Variants in MGAT5B observed in about 807,000 individuals in gnomAD.
MGAT5B encodes N-acetylglucosaminyl-transferase Vb.
MGAT5B carries 54 observed loss-of-function variants against 95.1 expected under a neutral mutation model. The observed-to-expected ratio is 0.57, with a 90% CI of 0.46 to 0.71. MGAT5B has a LOEUF of 0.71. MGAT5B is among the 30% of genes least tolerant of loss of function. The pLI, the probability that MGAT5B is intolerant of heterozygous loss-of-function variation, is 0.00. For synonymous variants in MGAT5B, 464 were observed against 451.0 expected (o/e 1.03, Z -0.36); for missense variants, 935 against 1,088.6 (o/e 0.86, Z 1.99).
At position 76,905,090 on chromosome 17, in the gene MGAT5B, A is replaced by G; in HGVS notation, c.691-79A>G. ...GGCCCCAGCCTCATGGGAGGGTGCC[A>G]GCCCCTGTCCCCAGGCCAGCGGGGA... On this transcript the variant is annotated intron_variant, in intron 6 of 17. Transcript: ENST00000569840. The surrounding 1 kb of genome is among the most constrained non-coding windows in gnomAD (Gnocchi z 4.2). The G allele has an allele frequency of 6.9e-7, 1 of 1,454,358 alleles. No homozygotes were observed. The highest frequency in any genetic ancestry group is 2.2e-5 in the Admixed American group (1 of 44,650). The allele number at this position is 1,454,358 out of a possible 1,614,324, so 90.1% of individuals were successfully genotyped here. A position where few individuals can be genotyped will look rare whatever the true frequency, so the allele number is the denominator to read the frequency against.
intron 5 of MGAT5B, 71 bp downstream of exon 5, chr17:76,903,447 C>A: frequency 7.5e-7 from 1 of 1,339,622 alleles, no homozygotes; most frequent in South Asian, 1.4e-5. Flanking sequence ...GCCCCTCACC[C>A]AGGCACAAGC....
chr17:76,934,221 G>A (rs774697306), intron 12 of MGAT5B, among the ~76,000 whole-genome samples: 2 of 152,172 alleles, frequency 1.3e-5, no homozygotes, highest in African/African-American at 2.4e-5. Context: ...AAGGGCTCAC[G>A]TGCATCTCTT....
Position 76,870,587 on chromosome 17 carries a change from C to T in MGAT5B, c.68+1490C>T, listed in dbSNP as rs1598879390. Among the ~76,000 whole-genome samples, 1 of 152,278 alleles carries T rather than the reference C, an allele frequency of 6.6e-6. No individual in the cohort carries two copies. The highest frequency in any genetic ancestry group is 1.9e-4 in the East Asian group (1 of 5,158). On this transcript the variant is annotated intron_variant, in intron 1 of 17. Transcript: ENST00000569840. The surrounding 1 kb of genome is among the most constrained non-coding windows in gnomAD (Gnocchi z 5.0). The stretch of plus-strand genomic sequence containing the variant: ...GGACAGTGCTCGCGACCCAGGGCTG[C>T]TTCCCTGTCTGGTCCTGCCCTGGTT...
In MGAT5B at chr17:76,902,603, G is replaced by T; in HGVS notation, c.378G>T (p.Gln126His). The T allele has an allele frequency of 6.2e-7, 1 of 1,603,962 alleles. No homozygotes were observed. The highest frequency in any genetic ancestry group is 8.5e-7 in the Non-Finnish European group (1 of 1,175,036). Reference protein sequence around the residue: ...GLMERIQAIAQNVSDIAVKVD... With the variant: ...GLMERIQAIAHNVSDIAVKVD... ...TGGAGCGGATCCAGGCTATTGCCCA[G>T]AACGTCTCCGACATCGCTGTGAAGG... The change falls in exon 4 of 18, where the codon CAG becomes CAT. Residue 126 changes from glutamine (Q) to histidine (H), a missense_variant. Around this residue, in one of 4 missense-constraint regions of MGAT5B, gnomAD observed 243 missense variants for 228.2 expected, o/e 1.06. Transcript: ENST00000569840.
intron 3 of MGAT5B, among the ~76,000 whole-genome samples, chr17:76,895,893 GT>G (rs542661686): frequency 2.6e-5 from 4 of 152,236 alleles, no homozygotes; most frequent in East Asian, 1.9e-4. Flanking sequence ...TCTACAAGGG[GT>G]TTTTTTGTCC....
In MGAT5B at chr17:76,949,262, C is replaced by T. The variant is rs753418870; in HGVS notation, c.*424C>T. 1.1e-4 allele frequency: 21 copies of T among 194,700 alleles called. No homozygotes were observed. The highest frequency in any genetic ancestry group is 2.3e-3 in the Middle Eastern group (1 of 436). 12.1% of individuals were successfully genotyped at this position (194,700 alleles called of 1,614,324 possible). A position where few individuals can be genotyped will look rare whatever the true frequency, so the allele number is the denominator to read the frequency against. ...GAGGAACAGGGACCAGGCTGCCCCACGGTCCCTGAAGGGTCCAAGGAGGGG... is the reference window on the plus strand; with the variant it reads ...GAGGAACAGGGACCAGGCTGCCCCATGGTCCCTGAAGGGTCCAAGGAGGGG... On this transcript the variant is annotated 3_prime_UTR_variant, in exon 18 of 18. Transcript: ENST00000569840.
Position 76,906,411 on chromosome 17 carries a change from C to T in MGAT5B, c.1025+224C>T, listed in dbSNP as rs1297596705. Among the ~76,000 whole-genome samples, 3 of 152,208 alleles carry T rather than the reference C, an allele frequency of 2.0e-5. No homozygotes were observed. The highest frequency in any genetic ancestry group is 4.4e-5 in the Non-Finnish European group (3 of 68,032). Reference sequence around the variant, plus strand: ...GTGGCAGGGAAGTGTATTTGCATAGCGCTGTCTGGCCAGGGCCTGGCTCCT... The same window carrying T: ...GTGGCAGGGAAGTGTATTTGCATAGTGCTGTCTGGCCAGGGCCTGGCTCCT... On this transcript the variant is annotated intron_variant, in intron 8 of 17. Coordinates refer to ENST00000569840, the MANE Select transcript of MGAT5B (RefSeq NM_001199172.2). This position sits in a 1 kb window ranked among gnomAD's most constrained non-coding sequence, Gnocchi z 4.6.
intron 5 of MGAT5B, among the ~76,000 whole-genome samples, 170 bp from the exon 6 acceptor site, chr17:76,904,082 G>A (rs1968424862): frequency 6.6e-6 from 1 of 152,234 alleles, no homozygotes; most frequent in Non-Finnish European, 1.5e-5. Context: ...GGGTCCTTCA[G>A]GCGGGTCCTG....
chr17:76,947,015 C>T (rs1023045708), intron 16 of MGAT5B, among the ~76,000 whole-genome samples: 9 of 152,314 alleles, frequency 5.9e-5, no homozygotes, highest in Admixed American at 2.0e-4. Context: ...AGGAGGAGGG[C>T]GTGCCCTATT....
rs1213044849 is a variant in MGAT5B, at chr17:76,889,339, G to A, written c.329+7041G>A. ...ACGGGAGGTCACTGTGATGGGTTTG[G>A]GCCCACCAAGGGGTGGCTCCAGCAG... On this transcript the variant is annotated intron_variant, in intron 3 of 17. Coordinates refer to ENST00000569840, the MANE Select transcript of MGAT5B (RefSeq NM_001199172.2). This position sits in a 1 kb window ranked among gnomAD's most constrained non-coding sequence, Gnocchi z 4.4. 6.6e-6 allele frequency among the ~76,000 whole-genome samples: 1 copy of A among 152,114 alleles called. No homozygotes were observed. The highest frequency in any genetic ancestry group is 1.9e-4 in the East Asian group (1 of 5,176).
rs962685277 is a variant in MGAT5B, at chr17:76,870,480, C to T, written c.68+1383C>T. On this transcript the variant is annotated intron_variant, in intron 1 of 17. Transcript: ENST00000569840. The surrounding 1 kb of genome is among the most constrained non-coding windows in gnomAD (Gnocchi z 5.0). ...GAACGCTGGAGGGTCCTCGCCCCTTCCGACCCCATCCCTGTCCCGCCCTCC... is the reference window on the plus strand; with the variant it reads ...GAACGCTGGAGGGTCCTCGCCCCTTTCGACCCCATCCCTGTCCCGCCCTCC... Among the ~76,000 whole-genome samples, 24 of 151,650 alleles carry T rather than the reference C, an allele frequency of 1.6e-4. No homozygotes were observed. The highest frequency in any genetic ancestry group is 5.9e-4 in the Admixed American group (9 of 15,256).
chr17:76,936,974 A>C (rs1969694198), intron 12 of MGAT5B, among the ~76,000 whole-genome samples: 1 of 151,736 alleles, frequency 6.6e-6, no homozygotes, highest in African/African-American at 2.4e-5. Flanking sequence ...TTCTACAAAA[A>C]AGTACTGGGA....
intron 2 of MGAT5B, among the ~76,000 whole-genome samples, chr17:76,881,192 G>C (rs1598895505): frequency 6.6e-6 from 1 of 152,314 alleles, no homozygotes; most frequent in East Asian, 1.9e-4. Flanking sequence ...CAGCGCTAAT[G>C]ATCGGGAATG....
At chr17:76,931,826 C>G (rs986773824) in intron 10 of MGAT5B, among the ~76,000 whole-genome samples, 1 of 152,076 alleles carries the variant, frequency 6.6e-6, no homozygotes, top group African/African-American at 2.4e-5. Flanking sequence ...GAAAGTTCTA[C>G]CTGGGATGAC....
intron 2 of MGAT5B, among the ~76,000 whole-genome samples, chr17:76,876,322 G>A (rs1967187417): frequency 6.6e-6 from 1 of 152,092 alleles, no homozygotes; most frequent in Admixed American, 6.6e-5. Context: ...TCAGGCCTGG[G>A]GAGGGATCTT....
At chr17:76,909,001 T>G (rs1310516874) in intron 8 of MGAT5B, among the ~76,000 whole-genome samples, 1 of 152,074 alleles carries the variant, frequency 6.6e-6, no homozygotes, top group East Asian at 1.9e-4. Context: ...GAGACAGGAT[T>G]TCACCATATT....
intron 2 of MGAT5B, among the ~76,000 whole-genome samples, chr17:76,880,791 C>T (rs9911209): frequency 0.21 from 32,317 of 152,094 alleles, 4,143 homozygotes; most frequent in East Asian, 0.39. Context: ...GTTGGGCGCC[C>T]GGGTGGTAAT....
At chr17:76,910,345 C>T (rs949051118) in intron 8 of MGAT5B, among the ~76,000 whole-genome samples, 2 of 152,232 alleles carry the variant, frequency 1.3e-5, no homozygotes, top group Non-Finnish European at 1.5e-5. Context: ...TGGAGCAGAA[C>T]GCTGCAGAGG....
chr17:76,946,426 G>T lies in MGAT5B; in HGVS notation c.1899G>T (p.Arg633=). 1 of 1,602,104 alleles carries T rather than the reference G, an allele frequency of 6.2e-7. No individual in the cohort carries two copies. The highest frequency in any genetic ancestry group is 8.5e-7 in the Non-Finnish European group (1 of 1,173,810). Residue 633 remains arginine, a synonymous_variant, in exon 16 of 18, where the codon CGG becomes CGT. Transcript: ENST00000569840. Reference sequence around the variant, plus strand: ...ACACCTGCGAGGGGATGCTGGAGCGGATCCACGCCTACATCCAGCACCAGG... The same window carrying T: ...ACACCTGCGAGGGGATGCTGGAGCGTATCCACGCCTACATCCAGCACCAGG... ...YEYTCEGMLE[R]IHAYIQHQDF... is the part of the protein sequence containing the mutation.
Sources: gnomAD v4.1 joint callset for allele counts (sites outside exome capture counted in the v4.1 genomes callset) on GRCh38, gnomAD v4.1.1 for gene constraint, gnomAD v4.1.1 regional missense constraint, Gnocchi (gnomAD v3.1) non-coding constraint, MANE v1.5 for transcripts, NCBI Gene and HGNC (gene_info 2026-07-23, HGNC 2026-07-21) for gene names.